ADCY5: variants seen among roughly 807,000 people sequenced by gnomAD.
ADCY5 encodes adenylate cyclase 5.
Under a neutral mutation model 119.7 loss-of-function variants are expected in ADCY5, and 30 were observed. The observed-to-expected ratio is 0.25, with a 90% CI of 0.19 to 0.34. The LOEUF is 0.34. ADCY5 is among the 10% of genes least tolerant of loss of function. The probability of loss-of-function intolerance (pLI) is 1.00; values close to 1 mark genes in which losing one functional copy is unlikely to be tolerated. For missense variants in ADCY5, 1,324 were observed against 1,775.2 expected (o/e 0.75, Z 4.57); for synonymous variants, 753 against 762.2 (o/e 0.99, Z 0.20).
chr3:123,405,829 T>C (rs897573530), intron 1 of ADCY5, among the ~76,000 whole-genome samples: 1 of 152,102 alleles, frequency 6.6e-6, no homozygotes, highest in African/African-American at 2.4e-5. Flanking sequence ...GAGATGGGGT[T>C]TCACGATGTT....
chr3:123,352,711 A>C lies in ADCY5; in HGVS notation c.1135-130T>G. On this transcript the variant is annotated intron_variant, in intron 1 of 20. Coordinates refer to ENST00000462833, the MANE Select transcript of ADCY5 (RefSeq NM_183357.3). The surrounding 1 kb of genome is among the most constrained non-coding windows in gnomAD (Gnocchi z 4.8). Reference sequence around the variant, plus strand: ...CAAACAAATGCTGAGGGCACCCCACACGCGGCCAACCACTGTGAGCAGCCG... The same window carrying C: ...CAAACAAATGCTGAGGGCACCCCACCCGCGGCCAACCACTGTGAGCAGCCG... 9.4e-7 allele frequency: 1 copy of C among 1,066,738 alleles called. No individual in the cohort carries two copies. Among genetic ancestry groups the C allele is most frequent in the Non-Finnish European group, 1.3e-6 (1 of 761,254 alleles). 66.1% of individuals were successfully genotyped at this position (1,066,738 alleles called of 1,614,324 possible).
At chr3:123,366,329 A>G (rs977543323) in intron 1 of ADCY5, among the ~76,000 whole-genome samples, 2 of 152,226 alleles carry the variant, frequency 1.3e-5, no homozygotes, top group African/African-American at 4.8e-5. Context: ...CTGCTGAGCC[A>G]TTGGTGGCCC....
chr3:123,447,738 A>T lies in ADCY5; in HGVS notation c.808T>A (p.Tyr270Asn), dbSNP rs751055438. Residue 270 changes from tyrosine (Y) to asparagine (N), a missense_variant, in exon 1 of 21, where the codon TAC (tyrosine) becomes AAC (asparagine). Tyr to Asn is a moderately radical substitution (Grantham distance 143, BLOSUM62 -2). Coordinates refer to ENST00000462833, the MANE Select transcript of ADCY5 (RefSeq NM_183357.3). Reference sequence around the variant, plus strand: ...ACGGCGGCCGCCAGCACGGCCAGGTAGGGCAGCTGGAGCGGGGGCCGCGCC... The same window carrying T: ...ACGGCGGCCGCCAGCACGGCCAGGTTGGGCAGCTGGAGCGGGGGCCGCGCC... ...HAARPPLQLPYLAVLAAAVGV... is the reference protein window; with the variant it reads ...HAARPPLQLPNLAVLAAAVGV... The T allele has an allele frequency of 8.7e-6, 14 of 1,601,802 alleles. No homozygotes were observed. The Admixed American group carries it at 1.2e-4, about 14-fold the overall frequency.
At chr3:123,357,201 TA>T (rs1480563227) in intron 1 of ADCY5, among the ~76,000 whole-genome samples, 1 of 151,378 alleles carries the variant, frequency 6.6e-6, no homozygotes, top group East Asian at 1.9e-4. Flanking sequence ...AACAATGCAC[TA>T]AAAAAGTGAA....
chr3:123,330,763 C>T, intron 5 of ADCY5, 126 bp downstream of exon 5: 1 of 1,316,388 alleles, frequency 7.6e-7, no homozygotes, highest in South Asian at 1.6e-5. Flanking sequence ...TGGCTGGGCA[C>T]CTTTTGGCAG....
rs574499115 is a variant in ADCY5, at chr3:123,340,137, T to A, written c.1407-7462A>T. On this transcript the variant is annotated intron_variant, in intron 3 of 20. Transcript: ENST00000462833. ...AGACCCTGTCTCTGCAAAAAAAATT[T>A]AAAAATCAGCCAGGTGTGGCAGCAG... Among the ~76,000 whole-genome samples, 10 of 151,958 alleles carry A rather than the reference T, an allele frequency of 6.6e-5. No individual in the cohort carries two copies. The South Asian group carries it at 2.1e-3, about 32-fold the overall frequency.
At chr3:123,437,159 C>A (rs1455918515) in intron 1 of ADCY5, among the ~76,000 whole-genome samples, 3 of 152,082 alleles carry the variant, frequency 2.0e-5, no homozygotes, top group Non-Finnish European at 4.4e-5. Flanking sequence ...GAGATTAATC[C>A]TTGCAGAGAG....
At position 123,283,796 on chromosome 3, in the gene ADCY5, A is replaced by C. The variant is rs796425782; in HGVS notation, c.*812T>G. ...AGAATTTGGCATATCTATCTGTGAGATCTCCAAGGCTTTCAATAATACAAA... is the reference window on the plus strand; with the variant it reads ...AGAATTTGGCATATCTATCTGTGAGCTCTCCAAGGCTTTCAATAATACAAA... On this transcript the variant is annotated 3_prime_UTR_variant, in exon 21 of 21. Coordinates refer to ENST00000462833, the MANE Select transcript of ADCY5 (RefSeq NM_183357.3). The C allele has an allele frequency of 9.2e-5, 14 of 152,228 alleles. 1 individual carries two copies. The highest frequency in any genetic ancestry group is 3.4e-4 in the African/African-American group (14 of 41,506). 9.4% of individuals were successfully genotyped at this position (152,228 alleles called of 1,614,324 possible).
chr3:123,327,289 C>A (rs1046481074), intron 7 of ADCY5, among the ~76,000 whole-genome samples: 4 of 152,104 alleles, frequency 2.6e-5, no homozygotes, highest in African/African-American at 9.7e-5. Context: ...CAGTAAAAGG[C>A]AAATGAAAAG....
At chr3:123,337,479 T>A (rs916027245) in intron 3 of ADCY5, among the ~76,000 whole-genome samples, 4 of 152,204 alleles carry the variant, frequency 2.6e-5, no homozygotes, top group Admixed American at 2.6e-4. Context: ...AGGTCTGAGA[T>A]CAAGGAGTCG....
intron 15 of ADCY5, among the ~76,000 whole-genome samples, chr3:123,298,947 A>G (rs1174544516): frequency 1.3e-5 from 2 of 149,008 alleles, no homozygotes; most frequent in Non-Finnish European, 3.0e-5. Flanking sequence ...TTGATAATCC[A>G]CAGTTCACAT....
chr3:123,322,382 T>C (rs933908974), intron 8 of ADCY5, among the ~76,000 whole-genome samples: 3 of 152,326 alleles, frequency 2.0e-5, no homozygotes, highest in East Asian at 1.9e-4. Context: ...GGCTGGTGCA[T>C]GGGACCCATT....
rs1278354235 is a variant in ADCY5 at position 123,352,227 on chromosome 3, G to A, written c.1284+205C>T. Among the ~76,000 whole-genome samples the A allele has an allele frequency of 6.6e-6, 1 of 152,166 alleles. No individual in the cohort carries two copies. Among genetic ancestry groups the A allele is most frequent in the Non-Finnish European group, 1.5e-5 (1 of 68,016 alleles). Reference sequence around the variant, plus strand: ...CATGGCTATGGGCACCAGGCCTTGGGCACGGGCTGGGTAGAACTCACTTCC... The same window carrying A: ...CATGGCTATGGGCACCAGGCCTTGGACACGGGCTGGGTAGAACTCACTTCC... On this transcript the variant is annotated intron_variant, in intron 2 of 20. Coordinates refer to ENST00000462833, the MANE Select transcript of ADCY5 (RefSeq NM_183357.3). This position sits in a 1 kb window ranked among gnomAD's most constrained non-coding sequence, Gnocchi z 4.8.
Position 123,406,315 on chromosome 3 carries a change from G to C in ADCY5, c.1134+41097C>G, listed in dbSNP as rs570803453. Among the ~76,000 whole-genome samples the C allele has an allele frequency of 2.0e-5, 3 of 152,306 alleles. No homozygotes were observed. The South Asian group carries it at 6.2e-4, about 32-fold the overall frequency. On this transcript the variant is annotated intron_variant, in intron 1 of 20. Coordinates refer to ENST00000462833, the MANE Select transcript of ADCY5 (RefSeq NM_183357.3). ...CCCACATTTCTCCCTGGCTCCCTCTGCCTCCTGACTGACCCTGGCATTTCC... is the reference window on the plus strand; with the variant it reads ...CCCACATTTCTCCCTGGCTCCCTCTCCCTCCTGACTGACCCTGGCATTTCC...
chr3:123,297,403 G>C (rs1381649432), intron 15 of ADCY5, 21 bp from the exon 16 acceptor site: 6 of 1,613,608 alleles, frequency 3.7e-6, no homozygotes, highest in Non-Finnish European at 5.1e-6. Context: ...AGTTGGGGAA[G>C]ACTGGTCAGG....
chr3:123,328,671 T>C lies in ADCY5; in HGVS notation c.1778A>G (p.Asn593Ser). ...DVWSNDVTLA[N>S]HMEAGGKAGR... Reference sequence around the variant, plus strand: ...TGCCTTGCCGCCAGCCTCCATGTGGTTGGCTAGCGTGACATCGTTAGACCA... The same window carrying C: ...TGCCTTGCCGCCAGCCTCCATGTGGCTGGCTAGCGTGACATCGTTAGACCA... Residue 593 changes from asparagine to serine, a missense_variant, in exon 6 of 21, where the codon AAC (asparagine) becomes AGC (serine). Asn to Ser is a conservative substitution (Grantham distance 46). Coordinates refer to ENST00000462833, the MANE Select transcript of ADCY5 (RefSeq NM_183357.3). 1 of 1,614,130 alleles carries C rather than the reference T, an allele frequency of 6.2e-7. No homozygotes were observed. Among genetic ancestry groups the C allele is most frequent in the Non-Finnish European group, 8.5e-7 (1 of 1,180,022 alleles).
chr3:123,445,383 AC>A (rs957658045), intron 1 of ADCY5, among the ~76,000 whole-genome samples: 1 of 141,786 alleles, frequency 7.1e-6, no homozygotes, highest in Admixed American at 7.3e-5. Context: ...TCTGACTCCA[AC>A]CCCCCTCAGG....
chr3:123,428,983 C>T (rs1263953152), intron 1 of ADCY5, among the ~76,000 whole-genome samples: 1 of 152,128 alleles, frequency 6.6e-6, no homozygotes, highest in African/African-American at 2.4e-5. Context: ...CTTCTCTGAA[C>T]CTCAATTTCC....
chr3:123,414,060 G>C (rs1326255397), intron 1 of ADCY5, among the ~76,000 whole-genome samples: 1 of 152,120 alleles, frequency 6.6e-6, no homozygotes, highest in African/African-American at 2.4e-5. Context: ...CTGAGAAGGT[G>C]GTCTGGACAC....
Sources: allele counts gnomAD v4.1 joint callset (sites outside exome capture counted in the v4.1 genomes callset), GRCh38; gene constraint gnomAD v4.1.1; non-coding constraint Gnocchi (gnomAD v3.1); transcripts MANE v1.5; gene names NCBI Gene and HGNC (gene_info 2026-07-23, HGNC 2026-07-21).